Variants in WDR70 observed in about 807,000 individuals in gnomAD.
WDR70 encodes WD repeat-containing protein 70.
In WDR70, 53 loss-of-function variants were observed where a neutral mutation model predicts 88.6. The observed-to-expected ratio is 0.60, with a 90% confidence interval of 0.48 to 0.75. The LOEUF (loss-of-function observed/expected upper bound fraction) is 0.75. Among genes scored for constraint, WDR70 ranks in the 30% least tolerant of loss-of-function variants. The probability of loss-of-function intolerance (pLI) is 0.00; values close to 1 mark genes in which losing one functional copy is unlikely to be tolerated. For synonymous variants in WDR70, 280 were observed against 270.0 expected (o/e 1.04, Z -0.36); for missense variants, 610 against 823.2 (o/e 0.74, Z 3.17).
At chr5:37,393,706 G>A (rs1748918591) in intron 4 of WDR70, among the ~76,000 whole-genome samples, 1 of 151,520 alleles carries the variant, frequency 6.6e-6, no homozygotes, top group South Asian at 2.1e-4. Flanking sequence ...TTTGAGACAG[G>A]GTTTCACTCG....
chr5:37,574,781 A>C (rs1045824465), intron 9 of WDR70, among the ~76,000 whole-genome samples: 4 of 152,156 alleles, frequency 2.6e-5, no homozygotes, highest in African/African-American at 4.8e-5. Flanking sequence ...GCACCCATCC[A>C]TGTATTAATA....
At position 37,712,061 on chromosome 5, in the gene WDR70, C is replaced by T. The variant is rs201112905; in HGVS notation, c.1416+8974C>T. Among the ~76,000 whole-genome samples, 10 of 145,804 alleles carry T rather than the reference C, an allele frequency of 6.9e-5. No individual in the cohort carries two copies. In the East Asian group the frequency reaches 1.6e-3, roughly 24 times the overall value. On this transcript the variant is annotated intron_variant, in intron 13 of 17. Coordinates refer to ENST00000265107, the MANE Select transcript of WDR70 (RefSeq NM_018034.4). Reference sequence around the variant, plus strand: ...AGGCTGGAGTGCAGTGGCACGATCTCGGCTTACTGCAACCTCTGCCACCTG... The same window carrying T: ...AGGCTGGAGTGCAGTGGCACGATCTTGGCTTACTGCAACCTCTGCCACCTG...
intron 9 of WDR70, among the ~76,000 whole-genome samples, chr5:37,589,224 A>G (rs1173153273): frequency 7.0e-6 from 1 of 142,398 alleles, no homozygotes; most frequent in East Asian, 2.0e-4. Flanking sequence ...AGGTGAATAC[A>G]TACATACATA....
At chr5:37,716,200 G>C (rs1056025461) in intron 13 of WDR70, among the ~76,000 whole-genome samples, 1 of 152,160 alleles carries the variant, frequency 6.6e-6, no homozygotes, top group African/African-American at 2.4e-5. Flanking sequence ...CGGAAATGGA[G>C]TTTCAACATA....
chr5:37,713,182 G>A (rs1747564892), intron 13 of WDR70, among the ~76,000 whole-genome samples: 1 of 152,058 alleles, frequency 6.6e-6, no homozygotes, highest in African/African-American at 2.4e-5. Context: ...ATCTCATTTG[G>A]GAAGTTACAG....
chr5:37,457,208 G>T (rs554280782), intron 7 of WDR70, among the ~76,000 whole-genome samples: 2 of 152,086 alleles, frequency 1.3e-5, no homozygotes, highest in Non-Finnish European at 2.9e-5. Flanking sequence ...CAATTCTCAT[G>T]CCTCAACCTC....
chr5:37,603,068 C>T (rs568494562), intron 9 of WDR70, among the ~76,000 whole-genome samples: 7 of 151,950 alleles, frequency 4.6e-5, no homozygotes, highest in Admixed American at 6.6e-5. Context: ...CATGTCTAAA[C>T]CATCCAAAGT....
intron 10 of WDR70, among the ~76,000 whole-genome samples, chr5:37,663,540 T>C (rs956303695): frequency 6.6e-5 from 10 of 152,220 alleles, no homozygotes; most frequent in African/African-American, 2.2e-4. Flanking sequence ...TCTCTTTTTT[T>C]CTATGTCCAG....
At chr5:37,468,944 T>A (rs1167972367) in intron 7 of WDR70, among the ~76,000 whole-genome samples, 1 of 152,200 alleles carries the variant, frequency 6.6e-6, no homozygotes. Context: ...GTATCCTTTG[T>A]TATCCTCAGG....
chr5:37,623,136 G>T (rs1744563142), intron 10 of WDR70, among the ~76,000 whole-genome samples: 1 of 152,032 alleles, frequency 6.6e-6, no homozygotes, highest in Admixed American at 6.6e-5. Context: ...AATACTGAAA[G>T]AATTGAAGGA....
At chr5:37,732,304 A>G (rs1748169581) in intron 17 of WDR70, among the ~76,000 whole-genome samples, 1 of 152,150 alleles carries the variant, frequency 6.6e-6, no homozygotes, top group South Asian at 2.1e-4. Context: ...TTTACTTAGT[A>G]TACATTGGAA....
chr5:37,435,964 G>T (rs1750453507), intron 5 of WDR70, among the ~76,000 whole-genome samples: 1 of 151,652 alleles, frequency 6.6e-6, no homozygotes, highest in African/African-American at 2.4e-5. Flanking sequence ...ATATTTTGCA[G>T]TTTGATAAGG....
intron 7 of WDR70, among the ~76,000 whole-genome samples, chr5:37,475,660 AT>A (rs1164613257): frequency 2.5e-4 from 38 of 152,266 alleles, no homozygotes; most frequent in Middle Eastern, 3.4e-3. Context: ...ATATAAATAA[AT>A]TGTCTTTTTT....
chr5:37,729,674 C>T (rs1244068838), intron 17 of WDR70, among the ~76,000 whole-genome samples: 2 of 152,156 alleles, frequency 1.3e-5, no homozygotes, highest in Non-Finnish European at 2.9e-5. Flanking sequence ...TCTTCACCAC[C>T]CCAGTGATTG....
chr5:37,605,386 G>A (rs924357397), intron 10 of WDR70, 148 bp downstream of exon 10: 7 of 725,686 alleles, frequency 9.6e-6, no homozygotes, highest in African/African-American at 5.5e-5. Flanking sequence ...GTGATCAAAC[G>A]TTGAGACTTT....
chr5:37,396,348 A>G (rs780519224), intron 4 of WDR70, 27 bp from the exon 5 acceptor site: 2 of 1,578,344 alleles, frequency 1.3e-6, no homozygotes, highest in African/African-American at 2.7e-5. Flanking sequence ...CAGCAGAGGC[A>G]AAGAGTTTCT....
At chr5:37,641,133 A>G (rs550750198) in intron 10 of WDR70, among the ~76,000 whole-genome samples, 1 of 152,248 alleles carries the variant, frequency 6.6e-6, no homozygotes, top group South Asian at 2.1e-4. Context: ...TCCCCCTGAC[A>G]CAATTTCACT....
chr5:37,444,635 G>A (rs762927823), intron 7 of WDR70, among the ~76,000 whole-genome samples: 10 of 152,046 alleles, frequency 6.6e-5, no homozygotes, highest in East Asian at 1.9e-4. Flanking sequence ...GAGCCACCGC[G>A]CCTGGCCCAT....
intron 9 of WDR70, among the ~76,000 whole-genome samples, chr5:37,587,336 A>G (rs1442681838): frequency 1.3e-5 from 2 of 151,110 alleles, no homozygotes; most frequent in African/African-American, 2.4e-5. Flanking sequence ...TTGTCAAAGC[A>G]AACTACTTTT....
Sources: gnomAD v4.1 joint callset for allele counts (sites outside exome capture counted in the v4.1 genomes callset) on GRCh38, gnomAD v4.1.1 for gene constraint, MANE v1.5 for transcripts, NCBI Gene and HGNC (gene_info 2026-07-23, HGNC 2026-07-21) for gene names.